Variants in OR51L1 observed in about 807,000 individuals in gnomAD.
OR51L1 encodes olfactory receptor family 51 subfamily L member 1, also known as olfactory receptor 51L1.
A neutral mutation model predicts 1.4 loss-of-function variants in OR51L1; 1 was observed. The ratio of observed to expected loss-of-function variants is 0.72; its 90% CI spans 0.26 to 3.42. OR51L1 has a LOEUF of 3.42. Among genes scored for constraint, OR51L1 ranks in the 30% most tolerant of loss-of-function variants. The probability of loss-of-function intolerance (pLI) is 0.20; values close to 1 mark genes in which losing one functional copy is unlikely to be tolerated. For missense variants in OR51L1, 378 were observed against 380.0 expected, an observed-to-expected ratio of 0.99 and a Z score of 0.04; for synonymous variants, 156 against 144.2, an observed-to-expected ratio of 1.08 and a Z score of -0.59.
In OR51L1 at chr11:5,004,125, A is replaced by T. The variant is rs1021713625; in HGVS notation, c.*4195A>T. The T allele has an allele frequency of 2.6e-5, 4 of 152,222 alleles. No homozygotes were observed. The highest frequency in any genetic ancestry group is 9.7e-5 in the African/African-American group (4 of 41,448). 9.4% of individuals were successfully genotyped at this position (152,222 alleles called of 1,614,324 possible). On this transcript the variant is annotated 3_prime_UTR_variant, in exon 3 of 3. Transcript: ENST00000641819. ...TTGAAAGAAAAAACAAACTTGGAAA[A>T]TGGGGAAGGTACTCCCCAAGCCCGA...
rs1362764263 is a variant in OR51L1 at position 4,995,260 on chromosome 11, G to C, written c.-337G>C. 1.3e-5 allele frequency: 2 copies of C among 152,022 alleles called. No homozygotes were observed. Among genetic ancestry groups the C allele is most frequent in the Non-Finnish European group, 2.9e-5 (2 of 67,960 alleles). The allele number at this position is 152,022 out of a possible 1,614,324, so 9.4% of individuals were successfully genotyped here. On this transcript the variant is annotated 5_prime_UTR_variant, in exon 1 of 3. Coordinates refer to ENST00000641819, the MANE Select transcript of OR51L1 (RefSeq NM_001004755.2). ...CAGAGAAAGACAAAATGGAACTGTGGATCATTTGAGAAATGGGCTACTGAT... is the reference window on the plus strand; with the variant it reads ...CAGAGAAAGACAAAATGGAACTGTGCATCATTTGAGAAATGGGCTACTGAT...
chr11:5,004,572 G>A lies in OR51L1; in HGVS notation c.*4642G>A, dbSNP rs1229204805. 12 of 152,142 alleles carry A rather than the reference G, an allele frequency of 7.9e-5. No homozygotes were observed. Among genetic ancestry groups the A allele is most frequent in the Admixed American group, 7.9e-4 (12 of 15,280 alleles). The allele number at this position is 152,142 out of a possible 1,614,324, so 9.4% of individuals were successfully genotyped here. On this transcript the variant is annotated 3_prime_UTR_variant, in exon 3 of 3. Coordinates refer to ENST00000641819, the MANE Select transcript of OR51L1 (RefSeq NM_001004755.2). ...CTCATTACACGCCTCTGGTAGAAGA[G>A]AGAGAATAATCAAAGAGAAGTACAC...
rs772916192 is a variant in OR51L1 at position 4,999,173 on chromosome 11, T to A, written c.191T>A (p.Phe64Tyr). 6.2e-7 allele frequency: 1 copy of A among 1,614,068 alleles called. No individual in the cohort carries two copies. The highest frequency in any genetic ancestry group is 8.5e-7 in the Non-Finnish European group (1 of 1,179,916). The change falls in exon 3 of 3, where the codon TTT becomes TAT. Residue 64 changes from phenylalanine (F) to tyrosine (Y), a missense_variant. Coordinates refer to ENST00000641819, the MANE Select transcript of OR51L1 (RefSeq NM_001004755.2). ...TCTCTCCATCAGCCCATGTATTACT[T>A]TATTTCCATCTTAGCAGTGAATGAC... ...ESSLHQPMYY[F>Y]ISILAVNDLG...
rs1847058003 is a variant in OR51L1 at position 4,995,214 on chromosome 11, T to C, written c.-383T>C. 1 of 152,038 alleles carries C rather than the reference T, an allele frequency of 6.6e-6. No individual in the cohort carries two copies. Among genetic ancestry groups the C allele is most frequent in the Non-Finnish European group, 1.5e-5 (1 of 67,982 alleles). 9.4% of individuals were successfully genotyped at this position (152,038 alleles called of 1,614,324 possible). On this transcript the variant is annotated 5_prime_UTR_variant, in exon 1 of 3. Coordinates refer to ENST00000641819, the MANE Select transcript of OR51L1 (RefSeq NM_001004755.2). ...AACAGAAAGAAAATATGACTTTAAC[T>C]ATAGTGAAGAAAAGTTTAGTCAGAG...
rs11035072 is a variant in OR51L1 at position 5,000,626 on chromosome 11, A to T, written c.*696A>T. The T allele has an allele frequency of 0.29, 43,497 of 152,000 alleles. 6,455 individuals are homozygous for T. Among genetic ancestry groups the T allele is most frequent in the Middle Eastern group, 0.33 (98 of 294 alleles). The allele number at this position is 152,000 out of a possible 1,614,324, so 9.4% of individuals were successfully genotyped here. ...CCACTTGCAAAATCATATAACAAGA[A>T]TGAAGGTGGTAAGAAGAATGTTACT... is the stretch of plus-strand genomic sequence containing the variant. On this transcript the variant is annotated 3_prime_UTR_variant, in exon 3 of 3. Coordinates refer to ENST00000641819, the MANE Select transcript of OR51L1 (RefSeq NM_001004755.2).
At position 5,004,531 on chromosome 11, in the gene OR51L1, G is replaced by A. The variant is rs1847159502; in HGVS notation, c.*4601G>A. Reference sequence around the variant, plus strand: ...GTATTGTTGAAATTTGATAGGATGAGTATTACTAAATATTTCTCATTACAC... The same window carrying A: ...GTATTGTTGAAATTTGATAGGATGAATATTACTAAATATTTCTCATTACAC... On this transcript the variant is annotated 3_prime_UTR_variant, in exon 3 of 3. Transcript: ENST00000641819. 1 of 152,048 alleles carries A rather than the reference G, an allele frequency of 6.6e-6. No homozygotes were observed. The highest frequency in any genetic ancestry group is 2.4e-5 in the African/African-American group (1 of 41,386). 9.4% of individuals were successfully genotyped at this position (152,048 alleles called of 1,614,324 possible).
In OR51L1 at chr11:4,998,732, G is replaced by A. The variant is rs148028679; in HGVS notation, c.-159-92G>A. 3.5e-4 allele frequency: 144 copies of A among 407,316 alleles called. 2 individuals carry two copies. The highest frequency in any genetic ancestry group is 1.6e-3 in the Admixed American group (39 of 25,124). 25.2% of individuals were successfully genotyped at this position (407,316 alleles called of 1,614,324 possible). On this transcript the variant is annotated intron_variant, in intron 2 of 2. Transcript: ENST00000641819. Reference sequence around the variant, plus strand: ...TTAGTGTCTTTGATGCAAATCCAACGTATTTCTTGCCAGAGATGACCATAT... The same window carrying A: ...TTAGTGTCTTTGATGCAAATCCAACATATTTCTTGCCAGAGATGACCATAT...
chr11:4,998,821 T>C lies in OR51L1; in HGVS notation c.-159-3T>C, dbSNP rs561614684. The stretch of plus-strand genomic sequence containing the variant: ...TTAATATTGGGAAATGTTTTTTACA[T>C]AGGGCCGACAAGAGATACCAGCTTC... On this transcript the variant is annotated splice_polypyrimidine_tract_variant and splice_region_variant and intron_variant, in intron 2 of 2. Coordinates refer to ENST00000641819, the MANE Select transcript of OR51L1 (RefSeq NM_001004755.2). 6.8e-4 allele frequency: 492 copies of C among 721,834 alleles called. 2 individuals are homozygous for C. Among genetic ancestry groups the C allele is most frequent in the Non-Finnish European group, 1.0e-4 (46 of 449,972 alleles). 44.7% of individuals were successfully genotyped at this position (721,834 alleles called of 1,614,324 possible). A position where few individuals can be genotyped will look rare whatever the true frequency, so the allele number is the denominator to read the frequency against.
At position 4,998,792 on chromosome 11, in the gene OR51L1, C is replaced by T. The variant is rs377728920; in HGVS notation, c.-159-32C>T. On this transcript the variant is annotated intron_variant, in intron 2 of 2. Transcript: ENST00000641819. ...CCACATTTTTGTTCCAGAATTTGTG[C>T]TCCTTAATATTGGGAAATGTTTTTT... 3.7e-5 allele frequency: 21 copies of T among 567,894 alleles called. No homozygotes were observed. In the African/African-American group the frequency reaches 3.9e-4, roughly 11 times the overall value. The allele number at this position is 567,894 out of a possible 1,614,324, so 35.2% of individuals were successfully genotyped here. A position where few individuals can be genotyped will look rare whatever the true frequency, so the allele number is the denominator to read the frequency against.
In OR51L1 at chr11:4,999,230, T is replaced by C; in HGVS notation, c.248T>C (p.Met83Thr). ...ATGTCCCTGTCTACACTTCCCACCA[T>C]GCTTGCTGTGTTATGGTTGGATGCT... The part of the protein sequence containing the change: ...LGMSLSTLPT[M>T]LAVLWLDAPE... Residue 83 changes from methionine to threonine, a missense_variant, in exon 3 of 3, where the codon ATG (methionine) becomes ACG (threonine). Coordinates refer to ENST00000641819, the MANE Select transcript of OR51L1 (RefSeq NM_001004755.2). The C allele has an allele frequency of 6.2e-7, 1 of 1,614,234 alleles. No individual in the cohort carries two copies. The highest frequency in any genetic ancestry group is 8.5e-7 in the Non-Finnish European group (1 of 1,180,036).
At position 4,999,621 on chromosome 11, in the gene OR51L1, A is replaced by T. The variant is rs141071944; in HGVS notation, c.639A>T (p.Ser213=). 6.2e-7 allele frequency: 1 copy of T among 1,613,864 alleles called. No homozygotes were observed. Among genetic ancestry groups the T allele is most frequent in the African/African-American group, 1.3e-5 (1 of 74,992 alleles). The change falls in exon 3 of 3, where the codon TCA becomes TCT. Residue 213 remains serine (S), a synonymous_variant. Coordinates refer to ENST00000641819, the MANE Select transcript of OR51L1 (RefSeq NM_001004755.2). The part of the protein sequence containing the change: ...CVVIATLGVD[S]IFILLSYVLI... Reference sequence around the variant, plus strand: ...TCATTGCCACACTAGGTGTGGATTCAATCTTCATACTTCTTTCTTATGTTC... The same window carrying T: ...TCATTGCCACACTAGGTGTGGATTCTATCTTCATACTTCTTTCTTATGTTC...
chr11:4,999,111 T>A lies in OR51L1; in HGVS notation c.129T>A (p.Gly43=), dbSNP rs771279270. 1.8e-5 allele frequency: 29 copies of A among 1,613,942 alleles called. No individual in the cohort carries two copies. In the South Asian group the frequency reaches 2.9e-4, roughly 16 times the overall value. ...FCLAYLVAFM[G]NVTILSVIWI... ...TTGCATATTTGGTAGCATTTATGGG[T>A]AATGTTACCATCCTGTCTGTCATTT... Residue 43 remains glycine, a synonymous_variant, in exon 3 of 3, where the codon GGT becomes GGA. Transcript: ENST00000641819.
rs1291416204 is a variant in OR51L1, at chr11:4,999,256, C to G, written c.274C>G (p.Pro92Ala). 1 of 1,614,130 alleles carries G rather than the reference C, an allele frequency of 6.2e-7. No homozygotes were observed. The highest frequency in any genetic ancestry group is 2.2e-5 in the East Asian group (1 of 44,870). The stretch of plus-strand genomic sequence containing the variant: ...GCTTGCTGTGTTATGGTTGGATGCT[C>G]CAGAGATCCAGGCAAGTGCTTGCTA... Reference protein sequence around the residue: ...TMLAVLWLDAPEIQASACYAQ... With the variant: ...TMLAVLWLDAAEIQASACYAQ... The change falls in exon 3 of 3, where the codon CCA becomes GCA. Residue 92 changes from proline (P) to alanine (A), a missense_variant. Physicochemically the swap from Pro to Ala is conservative, Grantham distance 27. Transcript: ENST00000641819.
Position 4,999,033 on chromosome 11 carries a change from G to T in OR51L1, c.51G>T (p.Arg17Ser). The T allele has an allele frequency of 6.2e-7, 1 of 1,613,966 alleles. No individual in the cohort carries two copies. ...SDAVEPIFILRGFPGLEYVHS... is the reference protein window; with the variant it reads ...SDAVEPIFILSGFPGLEYVHS... ...CTGTGGAGCCCATATTTATCCTGAG[G>T]GGTTTTCCTGGACTGGAGTATGTTC... Residue 17 changes from arginine to serine, a missense_variant, in exon 3 of 3, where the codon AGG becomes AGT. By Grantham distance (110) the Arg-to-Ser change is moderately radical. Transcript: ENST00000641819.
In OR51L1 at chr11:4,999,315, C is replaced by G; in HGVS notation, c.333C>G (p.Phe111Leu). 1.2e-6 allele frequency: 2 copies of G among 1,614,150 alleles called. No homozygotes were observed. Among genetic ancestry groups the G allele is most frequent in the South Asian group, 1.1e-5 (1 of 91,084 alleles). The change falls in exon 3 of 3, where the codon TTC becomes TTG. Residue 111 changes from phenylalanine (F) to leucine (L), a missense_variant. Coordinates refer to ENST00000641819, the MANE Select transcript of OR51L1 (RefSeq NM_001004755.2). ...TGTTCTTCATCCACACATTCACATTCCTGGAGTCCTCAGTGTTGCTGGCCA... is the reference window on the plus strand; with the variant it reads ...TGTTCTTCATCCACACATTCACATTGCTGGAGTCCTCAGTGTTGCTGGCCA... ...AQLFFIHTFT[F>L]LESSVLLAMA... is the part of the protein sequence containing the mutation.
Position 5,003,402 on chromosome 11 carries a change from T to C in OR51L1, c.*3472T>C, listed in dbSNP as rs1468437098. 6.6e-6 allele frequency: 1 copy of C among 152,164 alleles called. No individual in the cohort carries two copies. The highest frequency in any genetic ancestry group is 1.5e-5 in the Non-Finnish European group (1 of 68,048). The allele number at this position is 152,164 out of a possible 1,614,324, so 9.4% of individuals were successfully genotyped here. A position where few individuals can be genotyped will look rare whatever the true frequency, so the allele number is the denominator to read the frequency against. ...CATACTCCTTCATTTTGTCTCTTAA[T>C]GCACATGTCTAGAAAGTTACTTCCT... On this transcript the variant is annotated 3_prime_UTR_variant, in exon 3 of 3. Coordinates refer to ENST00000641819, the MANE Select transcript of OR51L1 (RefSeq NM_001004755.2).
At position 5,001,797 on chromosome 11, in the gene OR51L1, C is replaced by T. The variant is rs754046326; in HGVS notation, c.*1867C>T. On this transcript the variant is annotated 3_prime_UTR_variant, in exon 3 of 3. Transcript: ENST00000641819. ...TATACAGCTGGTCTTCCCCAACAATCATGAGTACTCATTAAATAATTGAAA... is the reference window on the plus strand; with the variant it reads ...TATACAGCTGGTCTTCCCCAACAATTATGAGTACTCATTAAATAATTGAAA... The T allele has an allele frequency of 2.0e-5, 3 of 152,136 alleles. No individual in the cohort carries two copies. Among genetic ancestry groups the T allele is most frequent in the Non-Finnish European group, 1.5e-5 (1 of 68,034 alleles). 9.4% of individuals were successfully genotyped at this position (152,136 alleles called of 1,614,324 possible).
chr11:4,995,993 T>C (rs1215548265), intron 1 of OR51L1, among the ~76,000 whole-genome samples: 1 of 152,016 alleles, frequency 6.6e-6, no homozygotes. Context: ...CTTGCAGTTA[T>C]GTAGGAAGAA....
rs1847151591 is a variant in OR51L1 at position 5,003,690 on chromosome 11, A to G, written c.*3760A>G. ...AGATGAAACAGGATGAGAATTCAAGAGCAAATATCCATGGTTTTTAAATCT... is the reference window on the plus strand; with the variant it reads ...AGATGAAACAGGATGAGAATTCAAGGGCAAATATCCATGGTTTTTAAATCT... On this transcript the variant is annotated 3_prime_UTR_variant, in exon 3 of 3. Coordinates refer to ENST00000641819, the MANE Select transcript of OR51L1 (RefSeq NM_001004755.2). 6.6e-6 allele frequency: 1 copy of G among 151,964 alleles called. No homozygotes were observed. Among genetic ancestry groups the G allele is most frequent in the Non-Finnish European group, 1.5e-5 (1 of 67,976 alleles). The allele number at this position is 151,964 out of a possible 1,614,324, so 9.4% of individuals were successfully genotyped here. A position where few individuals can be genotyped will look rare whatever the true frequency, so the allele number is the denominator to read the frequency against.
Sources: gnomAD v4.1 joint callset for allele counts (sites outside exome capture counted in the v4.1 genomes callset) on GRCh38, gnomAD v4.1.1 for gene constraint, MANE v1.5 for transcripts, NCBI Gene and HGNC (gene_info 2026-07-23, HGNC 2026-07-21) for gene names.